CELF2: variants seen among roughly 807,000 people sequenced by gnomAD.
The protein encoded by CELF2 is CUGBP Elav-like family member 2.
CELF2 carries 8 observed loss-of-function variants against 62.6 expected under a neutral mutation model. The ratio of observed to expected loss-of-function variants is 0.13; its 90% CI spans 0.07 to 0.23. CELF2 has a LOEUF of 0.23. Ranked by LOEUF, CELF2 falls within the 10% of genes least tolerant of loss-of-function variation. CELF2 has a pLI of 1.00. For missense variants in CELF2, 333 were observed against 671.0 expected, an observed-to-expected ratio of 0.50 and a Z score of 5.56; for synonymous variants, 258 against 250.0, an observed-to-expected ratio of 1.03 and a Z score of -0.30.
intron 1 of CELF2, among the ~76,000 whole-genome samples, chr10:10,854,613 G>A (rs536063337): frequency 6.6e-6 from 1 of 152,026 alleles, no homozygotes; most frequent in Non-Finnish European, 1.5e-5. Context: ...AAAACCCACA[G>A]CATTCCCCCA....
chr10:11,328,885 G>A lies in CELF2; in HGVS notation c.1439-41G>A. On this transcript the variant is annotated intron_variant, in intron 12 of 12. Transcript: ENST00000633077. This position sits in a 1 kb window ranked among gnomAD's most constrained non-coding sequence, Gnocchi z 6.4. ...AGCCCCCTTTTCTGTTTTCTGCTGG[G>A]CTTCCTCTCCAGGCTGACTCCCTCT... The A allele has an allele frequency of 6.3e-7, 1 of 1,584,986 alleles. No individual in the cohort carries two copies. The highest frequency in any genetic ancestry group is 1.1e-5 in the South Asian group (1 of 88,808).
In CELF2 at chr10:11,305,267, A is replaced by G. The variant is rs76160356; in HGVS notation, c.977-8872A>G. 0.025 allele frequency among the ~76,000 whole-genome samples: 3,827 copies of G among 152,320 alleles called. 80 individuals carry two copies. Among genetic ancestry groups the G allele is most frequent in the Middle Eastern group, 0.071 (21 of 294 alleles). On this transcript the variant is annotated intron_variant, in intron 9 of 12. Coordinates refer to ENST00000633077, the MANE Select transcript of CELF2 (RefSeq NM_001326342.2). This position sits in a 1 kb window ranked among gnomAD's most constrained non-coding sequence, Gnocchi z 4.8. ...CTGGAAATTTATTTGAGTTGGTTTG[A>G]GAGAGCTTCCAAACAGCCCTTCCTC...
intron 3 of CELF2, among the ~76,000 whole-genome samples, chr10:11,235,464 A>G (rs1271963925): frequency 6.6e-6 from 1 of 152,244 alleles, no homozygotes; most frequent in Non-Finnish European, 1.5e-5. Flanking sequence ...TTATAGAACA[A>G]TTGAACCTTA....
At chr10:10,486,657 T>A in the CELF2 span, among the ~76,000 whole-genome samples, 2 of 152,170 alleles carry the variant, frequency 1.3e-5, no homozygotes, top group Non-Finnish European at 2.9e-5. Context: ...AATGGGCATT[T>A]CCTTTGAGCG....
At chr10:10,881,380 A>C (rs1226800688) in intron 1 of CELF2, among the ~76,000 whole-genome samples, 1 of 152,220 alleles carries the variant, frequency 6.6e-6, no homozygotes, top group Non-Finnish European at 1.5e-5. Context: ...CAGAATAAAA[A>C]TAAATTTTTA....
chr10:11,137,370 G>T (rs1378562420), intron 1 of CELF2, among the ~76,000 whole-genome samples: 3 of 152,202 alleles, frequency 2.0e-5, no homozygotes, highest in African/African-American at 7.2e-5. Flanking sequence ...CATATTCTTT[G>T]GGAGTTGGAT....
Position 11,296,518 on chromosome 10 carries a change from G to C in CELF2, c.976+7966G>C, listed in dbSNP as rs1025011301. On this transcript the variant is annotated intron_variant, in intron 9 of 12. Coordinates refer to ENST00000633077, the MANE Select transcript of CELF2 (RefSeq NM_001326342.2). This position sits in a 1 kb window ranked among gnomAD's most constrained non-coding sequence, Gnocchi z 5.0. ...TGCTTAATTGTGTTATATTAGGTGG[G>C]AAAATCAGCAAAGCTTTATTCTAGT... Among the ~76,000 whole-genome samples, 7 of 152,154 alleles carry C rather than the reference G, an allele frequency of 4.6e-5. No individual in the cohort carries two copies. The highest frequency in any genetic ancestry group is 8.8e-5 in the Non-Finnish European group (6 of 68,032).
chr10:10,701,923 C>G, the CELF2 span, among the ~76,000 whole-genome samples: 1 of 152,200 alleles, frequency 6.6e-6, no homozygotes, highest in African/African-American at 2.4e-5. Context: ...CTGAATGCCT[C>G]ATGAACTTCT....
intron 1 of CELF2, chr10:11,164,968 T>C (rs1432487755): frequency 1.4e-6 from 1 of 697,296 alleles, no homozygotes; most frequent in African/African-American, 2.0e-5. Context: ...GCCAAGTGTT[T>C]CATTTTCTTT....
At chr10:10,595,447 G>C in the CELF2 span, among the ~76,000 whole-genome samples, 2 of 152,250 alleles carry the variant, frequency 1.3e-5, no homozygotes, top group Non-Finnish European at 2.9e-5. Context: ...TGAAAGTGAG[G>C]TGGGAGGCAG....
chr10:10,885,196 T>C (rs2061677664), intron 1 of CELF2, among the ~76,000 whole-genome samples: 1 of 151,916 alleles, frequency 6.6e-6, no homozygotes, highest in African/African-American at 2.4e-5. Flanking sequence ...TGAGCCAAGA[T>C]TGTGCCATTG....
chr10:10,699,064 TA>T, the CELF2 span, among the ~76,000 whole-genome samples: 1 of 151,882 alleles, frequency 6.6e-6, no homozygotes, highest in African/African-American at 2.4e-5. Flanking sequence ...CGTATATTTA[TA>T]TAACATATAT....
chr10:10,813,137 C>T (rs1469328745), intron 1 of CELF2, among the ~76,000 whole-genome samples: 1 of 152,182 alleles, frequency 6.6e-6, no homozygotes, highest in African/African-American at 2.4e-5. Context: ...TTTATTCCCA[C>T]TCCTTCCGTA....
At chr10:10,492,902 TC>T in the CELF2 span, among the ~76,000 whole-genome samples, 2 of 86,932 alleles carry the variant, frequency 2.3e-5, no homozygotes, top group East Asian at 3.6e-4. Flanking sequence ...TAAGGGGAAA[TC>T]CCTTTCACTT....
chr10:11,127,812 T>A (rs1294362079), intron 1 of CELF2, among the ~76,000 whole-genome samples: 1 of 152,212 alleles, frequency 6.6e-6, no homozygotes, highest in African/African-American at 2.4e-5. Context: ...TTGTAACAAT[T>A]TTCTCCCATT....
chr10:11,249,216 A>C lies in CELF2; in HGVS notation c.403+15A>C. 6.2e-7 allele frequency: 1 copy of C among 1,602,398 alleles called. No individual in the cohort carries two copies. Among genetic ancestry groups the C allele is most frequent in the African/African-American group, 1.3e-5 (1 of 74,780 alleles). ...AAAGTCCAACGGTAGGTGGTAACCA[A>C]CTGTCTTGCTTAATAATAATATCTG... is the stretch of plus-strand genomic sequence containing the variant. On this transcript the variant is annotated intron_variant, in intron 4 of 12. Transcript: ENST00000633077.
At chr10:10,561,525 G>A in the CELF2 span, among the ~76,000 whole-genome samples, 2 of 152,194 alleles carry the variant, frequency 1.3e-5, no homozygotes, top group African/African-American at 4.8e-5. Flanking sequence ...CAATAAACAA[G>A]AGAATTAAGA....
rs900676602 is a variant in CELF2 at position 11,336,399 on chromosome 10, G to C, written c.*7346G>C. On this transcript the variant is annotated 3_prime_UTR_variant, in exon 13 of 13. Transcript: ENST00000633077. This position sits in a 1 kb window ranked among gnomAD's most constrained non-coding sequence, Gnocchi z 5.4. ...TGTGACCATGAAACGTTTCTATTGA[G>C]TGAAAATGATATCTTAACAAAATCT... is the stretch of plus-strand genomic sequence containing the variant. 6.6e-6 allele frequency: 1 copy of C among 152,592 alleles called. No homozygotes were observed. Among genetic ancestry groups the C allele is most frequent in the African/African-American group, 2.4e-5 (1 of 41,418 alleles). 9.5% of individuals were successfully genotyped at this position (152,592 alleles called of 1,614,324 possible).
chr10:10,908,879 C>G (rs2063568735), intron 1 of CELF2, among the ~76,000 whole-genome samples: 1 of 152,174 alleles, frequency 6.6e-6, no homozygotes, highest in Non-Finnish European at 1.5e-5. Context: ...CTTCCACCTC[C>G]CAGATTCAGC....
Sources: allele counts gnomAD v4.1 joint callset (sites outside exome capture counted in the v4.1 genomes callset), GRCh38; gene constraint gnomAD v4.1.1; non-coding constraint Gnocchi (gnomAD v3.1); transcripts MANE v1.5; gene names NCBI Gene and HGNC (gene_info 2026-07-23, HGNC 2026-07-21).